Variants in CDH12 observed in about 807,000 individuals in gnomAD.
The protein encoded by CDH12 is cadherin 12.
Under a neutral mutation model 74.1 loss-of-function variants are expected in CDH12, and 41 were observed. The observed-to-expected ratio is 0.55, with a 90% CI of 0.43 to 0.72. CDH12 has a LOEUF of 0.72. CDH12 is among the 30% of genes least tolerant of loss of function. CDH12 has a pLI of 0.00. For missense variants in CDH12, 945 were observed against 977.2 expected, an observed-to-expected ratio of 0.97 and a Z score of 0.44; for synonymous variants, 399 against 355.0, an observed-to-expected ratio of 1.12 and a Z score of -1.39.
rs909008097 is a variant in CDH12, at chr5:22,634,627, A to G, written c.-522-129263T>C. Among the ~76,000 whole-genome samples the G allele has an allele frequency of 2.0e-5, 3 of 152,282 alleles. No individual in the cohort carries two copies. The East Asian group carries it at 5.8e-4, about 29-fold the overall frequency. ...GCATAAATCAAAGGAAAAATATACA[A>G]TTCAAGATCACCGCTGAATACTTTC... On this transcript the variant is annotated intron_variant, in intron 1 of 14. Coordinates refer to ENST00000382254, the MANE Select transcript of CDH12 (RefSeq NM_004061.5).
chr5:22,256,213 A>C (rs2150390600), intron 3 of CDH12, among the ~76,000 whole-genome samples: 1 of 152,270 alleles, frequency 6.6e-6, no homozygotes, highest in Non-Finnish European at 1.5e-5. Context: ...AACCATTGCA[A>C]AGTGTAAAAT....
At chr5:21,905,489 A>G (rs139000400) in intron 6 of CDH12, among the ~76,000 whole-genome samples, 1 of 152,300 alleles carries the variant, frequency 6.6e-6, no homozygotes, top group East Asian at 1.9e-4. Context: ...GAAAATGTGA[A>G]AGCACATCTG....
At position 22,501,315 on chromosome 5, in the gene CDH12, A is replaced by C. The variant is rs182906043; in HGVS notation, c.-428+3955T>G. On this transcript the variant is annotated intron_variant, in intron 2 of 14. Transcript: ENST00000382254. Reference sequence around the variant, plus strand: ...AAGCAAAGAAATAGAAAATTACATAAAGGATAATTCATGGAAGACTGGGAT... The same window carrying C: ...AAGCAAAGAAATAGAAAATTACATACAGGATAATTCATGGAAGACTGGGAT... Among the ~76,000 whole-genome samples the C allele has an allele frequency of 2.6e-5, 4 of 152,256 alleles. No homozygotes were observed. In the East Asian group the frequency reaches 7.7e-4, roughly 29 times the overall value.
chr5:22,203,163 G>A (rs180692038), intron 4 of CDH12, among the ~76,000 whole-genome samples: 4 of 152,130 alleles, frequency 2.6e-5, no homozygotes, highest in African/African-American at 9.6e-5. Flanking sequence ...ATTAACTATA[G>A]TCACCATGCT....
At chr5:22,745,100 T>C (rs1198937999) in intron 1 of CDH12, among the ~76,000 whole-genome samples, 1 of 151,728 alleles carries the variant, frequency 6.6e-6, no homozygotes, top group Non-Finnish European at 1.5e-5. Context: ...TCTATAGTTA[T>C]ACCACAATGA....
chr5:22,637,422 G>A (rs761435396), intron 1 of CDH12, among the ~76,000 whole-genome samples: 4 of 152,082 alleles, frequency 2.6e-5, no homozygotes, highest in Non-Finnish European at 4.4e-5. Flanking sequence ...TTCCTTACAC[G>A]GGTGATGATC....
chr5:21,920,796 C>A (rs1266164082), intron 6 of CDH12, among the ~76,000 whole-genome samples: 1 of 152,042 alleles, frequency 6.6e-6, no homozygotes, highest in Non-Finnish European at 1.5e-5. Context: ...TTGTTCACTG[C>A]ATTCACTCCC....
chr5:22,439,678 G>A (rs1265923073), intron 2 of CDH12, among the ~76,000 whole-genome samples: 1 of 152,028 alleles, frequency 6.6e-6, no homozygotes, highest in Non-Finnish European at 1.5e-5. Context: ...TACCAATTGT[G>A]TACATCAAGG....
intron 3 of CDH12, among the ~76,000 whole-genome samples, chr5:22,233,437 G>A (rs1031532080): frequency 8.6e-5 from 13 of 152,026 alleles, no homozygotes; most frequent in Non-Finnish European, 2.9e-5. Flanking sequence ...GGCCCTGAAT[G>A]TTTCAAACAA....
chr5:22,489,383 A>G (rs1043090890), intron 2 of CDH12, among the ~76,000 whole-genome samples: 2 of 151,828 alleles, frequency 1.3e-5, no homozygotes, highest in Non-Finnish European at 2.9e-5. Context: ...TTTTCATGGA[A>G]AAAACTGCAA....
chr5:22,213,035 A>T (rs527541290), intron 3 of CDH12, among the ~76,000 whole-genome samples: 1 of 152,282 alleles, frequency 6.6e-6, no homozygotes, highest in South Asian at 2.1e-4. Flanking sequence ...TTCGTGTAAG[A>T]TATTAGGTAC....
At chr5:22,299,368 G>C (rs1295634977) in intron 3 of CDH12, among the ~76,000 whole-genome samples, 1 of 152,130 alleles carries the variant, frequency 6.6e-6, no homozygotes, top group Non-Finnish European at 1.5e-5. Flanking sequence ...TGAATGCTTT[G>C]TGGCAAAGAA....
chr5:22,364,290 C>T (rs535126425), intron 3 of CDH12, among the ~76,000 whole-genome samples: 33 of 132,960 alleles, frequency 2.5e-4, no homozygotes, highest in African/African-American at 7.5e-4. Flanking sequence ...TTAATAGGAG[C>T]GATGGGAAGA....
chr5:22,059,253 C>CTCTATCTA (rs11438319), intron 5 of CDH12, among the ~76,000 whole-genome samples: 14,100 of 143,800 alleles, frequency 0.098, 760 homozygotes, highest in Admixed American at 0.11. Context: ...TTTCCTTGTA[C>CTCTATCTA]TCTATCTATC....
At chr5:22,699,536 G>A (rs933180231) in intron 1 of CDH12, among the ~76,000 whole-genome samples, 3 of 152,160 alleles carry the variant, frequency 2.0e-5, no homozygotes, top group Admixed American at 1.3e-4. Flanking sequence ...CTGTTGTATT[G>A]TAAGCAGTGC....
chr5:22,823,567 G>A (rs371278484), intron 1 of CDH12, among the ~76,000 whole-genome samples: 20 of 151,972 alleles, frequency 1.3e-4, no homozygotes, highest in Non-Finnish European at 2.2e-4. Flanking sequence ...TTCATTAGCC[G>A]CATGAAAACA....
chr5:22,630,319 A>T (rs552682718), intron 1 of CDH12, among the ~76,000 whole-genome samples: 35 of 152,148 alleles, frequency 2.3e-4, no homozygotes, highest in Non-Finnish European at 3.7e-4. Context: ...ATCCTAAGTA[A>T]AAGGAACAAA....
At chr5:21,960,967 G>A (rs1756333599) in intron 6 of CDH12, among the ~76,000 whole-genome samples, 1 of 152,122 alleles carries the variant, frequency 6.6e-6, no homozygotes, top group Admixed American at 6.5e-5. Flanking sequence ...AGACTACATA[G>A]TCCTTCATAA....
At chr5:22,797,277 G>T (rs1748279061) in intron 1 of CDH12, among the ~76,000 whole-genome samples, 1 of 151,822 alleles carries the variant, frequency 6.6e-6, no homozygotes, top group African/African-American at 2.4e-5. Context: ...TATGAACCAG[G>T]GAACAGGCCC....
Sources: gnomAD v4.1 joint callset for allele counts (sites outside exome capture counted in the v4.1 genomes callset) on GRCh38, gnomAD v4.1.1 for gene constraint, MANE v1.5 for transcripts, NCBI Gene and HGNC (gene_info 2026-07-23, HGNC 2026-07-21) for gene names.